The following STARD13 variants were observed in gnomAD, a reference collection of about 807,000 sequenced individuals.
The protein encoded by STARD13 is StAR related lipid transfer domain containing 13.
Under a neutral mutation model 106.4 loss-of-function variants are expected in STARD13, and 62 were observed. The observed-to-expected ratio is 0.58, with a 90% CI of 0.48 to 0.72. The LOEUF (loss-of-function observed/expected upper bound fraction) is 0.72. Among genes scored for constraint, STARD13 ranks in the 30% least tolerant of loss-of-function variants. The pLI is 0.00. For missense variants in STARD13, 1,387 were observed against 1,424.0 expected (o/e 0.97, Z 0.42); for synonymous variants, 565 against 553.0 (o/e 1.02, Z -0.31).
the STARD13 span, among the ~76,000 whole-genome samples, chr13:33,491,650 A>G: frequency 1.3e-5 from 2 of 152,242 alleles, no homozygotes; most frequent in African/African-American, 4.8e-5. Flanking sequence ...AATGGTTTAT[A>G]AACTTTATTT....
chr13:33,276,899 G>T (rs746359904), intron 1 of STARD13, among the ~76,000 whole-genome samples: 9 of 152,068 alleles, frequency 5.9e-5, no homozygotes, highest in Non-Finnish European at 1.3e-4. Flanking sequence ...GGATTCCTAT[G>T]CTGTGTGAGG....
At chr13:33,432,260 TTTC>T in the STARD13 span, among the ~76,000 whole-genome samples, 1 of 152,324 alleles carries the variant, frequency 6.6e-6, no homozygotes, top group Non-Finnish European at 1.5e-5. Context: ...TTTTGGAATC[TTTC>T]TTTTCTTCTT....
chr13:33,369,716 T>G, the STARD13 span, among the ~76,000 whole-genome samples: 1 of 152,210 alleles, frequency 6.6e-6, no homozygotes, highest in African/African-American at 2.4e-5. Context: ...TACATATATT[T>G]TTTACATACA....
At chr13:33,565,571 T>G in the STARD13 span, among the ~76,000 whole-genome samples, 1 of 148,202 alleles carries the variant, frequency 6.7e-6, no homozygotes, top group African/African-American at 2.5e-5. Flanking sequence ...AAAGCAAATT[T>G]ACCATGGATT....
chr13:33,524,795 A>G, the STARD13 span, among the ~76,000 whole-genome samples: 2 of 152,102 alleles, frequency 1.3e-5, no homozygotes, highest in Non-Finnish European at 2.9e-5. Context: ...ACATTTTAAA[A>G]TGGTTAAATC....
At chr13:33,167,940 C>A (rs2296389) in intron 1 of STARD13, among the ~76,000 whole-genome samples, 1 of 150,966 alleles carries the variant, frequency 6.6e-6, no homozygotes, top group Non-Finnish European at 1.5e-5. Context: ...ACCAGGGAAC[C>A]AGGGCACTAG....
the STARD13 span, among the ~76,000 whole-genome samples, chr13:33,502,859 TCTG>T: frequency 1.3e-5 from 2 of 152,240 alleles, no homozygotes; most frequent in Non-Finnish European, 1.5e-5. Flanking sequence ...TTGTTGTGTC[TCTG>T]CCAGGCGTTG....
Position 33,112,931 on chromosome 13 carries a change from T to C in STARD13, c.2282A>G (p.Tyr761Cys), listed in dbSNP as rs1360028915. 5 of 1,600,236 alleles carry C rather than the reference T, an allele frequency of 3.1e-6. No homozygotes were observed. The highest frequency in any genetic ancestry group is 4.3e-6 in the Non-Finnish European group (5 of 1,174,326). ...CTGCAGCCGCTGCTCTTTGGAGACA[T>C]CTGAGGAAAAGTGGATGCCAGGTCA... Reference protein sequence around the residue: ...LSETFLHIYQYVSKEQRLQAV... With the variant: ...LSETFLHIYQCVSKEQRLQAV... The change falls in exon 9 of 14, where the codon TAT becomes TGT. Residue 761 changes from tyrosine (Y) to cysteine (C), a missense_variant and splice_region_variant. By Grantham distance (194) the Tyr-to-Cys change is radical. Transcript: ENST00000336934.
intron 1 of STARD13, among the ~76,000 whole-genome samples, chr13:33,205,018 C>T (rs536824713): frequency 3.9e-5 from 6 of 152,312 alleles, no homozygotes; most frequent in Non-Finnish European, 8.8e-5. Context: ...TTTCTGCTAT[C>T]GCTCATAGAA....
At chr13:33,358,324 G>A in the STARD13 span, among the ~76,000 whole-genome samples, 2 of 152,316 alleles carry the variant, frequency 1.3e-5, no homozygotes, top group African/African-American at 4.8e-5. Flanking sequence ...CCTGCTCCAC[G>A]GTGCCCAGTC....
At chr13:33,385,224 T>A in the STARD13 span, among the ~76,000 whole-genome samples, 27 of 104,022 alleles carry the variant, frequency 2.6e-4, no homozygotes, top group African/African-American at 1.1e-3. Flanking sequence ...TCGGAATATA[T>A]ATATATATAT....
chr13:33,221,655 G>A (rs1046023923), intron 1 of STARD13, among the ~76,000 whole-genome samples: 1 of 152,104 alleles, frequency 6.6e-6, no homozygotes, highest in Non-Finnish European at 1.5e-5. Flanking sequence ...AAGACTTGTG[G>A]ATCCCAGTGC....
chr13:33,106,618 T>C (rs1873740991), intron 13 of STARD13, 140 bp downstream of exon 13: 1 of 664,276 alleles, frequency 1.5e-6, no homozygotes, highest in Non-Finnish European at 2.4e-6. Context: ...GGCATACATA[T>C]CCACCTATGA....
the STARD13 span, among the ~76,000 whole-genome samples, chr13:33,537,725 G>C: frequency 2.0e-5 from 3 of 152,106 alleles, no homozygotes; most frequent in African/African-American, 4.8e-5. Flanking sequence ...GAAAAGAAAA[G>C]AAAAGATGTA....
intron 5 of STARD13, among the ~76,000 whole-genome samples, chr13:33,128,581 A>G (rs1877604420): frequency 6.6e-6 from 1 of 152,206 alleles, no homozygotes; most frequent in Non-Finnish European, 1.5e-5. Context: ...CATCACAGGA[A>G]GGTCAGGGGA....
At chr13:33,591,664 G>A in the STARD13 span, among the ~76,000 whole-genome samples, 1 of 152,140 alleles carries the variant, frequency 6.6e-6, no homozygotes, top group Non-Finnish European at 1.5e-5. Flanking sequence ...GGAGAAAAGG[G>A]ATTCTGCTCA....
the STARD13 span, among the ~76,000 whole-genome samples, chr13:33,601,334 A>T: frequency 6.6e-6 from 1 of 151,078 alleles, no homozygotes; most frequent in Non-Finnish European, 1.5e-5. Flanking sequence ...ATGACTCTTT[A>T]TTGGCTGTTT....
the STARD13 span, among the ~76,000 whole-genome samples, chr13:33,474,211 C>T: frequency 2.0e-5 from 3 of 152,214 alleles, no homozygotes; most frequent in South Asian, 2.1e-4. Flanking sequence ...TAACCAGAGT[C>T]GAGCTAGTTA....
the STARD13 span, among the ~76,000 whole-genome samples, chr13:33,528,108 G>A: frequency 6.1e-5 from 9 of 148,606 alleles, no homozygotes; most frequent in African/African-American, 2.2e-4. Flanking sequence ...AACCTCCAGA[G>A]AACATTCAAA....
Sources: gnomAD v4.1 joint callset for allele counts (sites outside exome capture counted in the v4.1 genomes callset) on GRCh38, gnomAD v4.1.1 for gene constraint, MANE v1.5 for transcripts, NCBI Gene and HGNC (gene_info 2026-07-23, HGNC 2026-07-21) for gene names.